Variants in RASGRF2 observed in about 807,000 individuals in gnomAD.
RASGRF2 encodes the protein ras-specific guanine nucleotide-releasing factor 2.
RASGRF2 carries 76 observed loss-of-function variants against 151.0 expected under a neutral mutation model. That is an observed-to-expected ratio of 0.50 (90% CI 0.42 to 0.61). RASGRF2 has a LOEUF of 0.61. Ranked by LOEUF, RASGRF2 falls within the 20% of genes least tolerant of loss-of-function variation. RASGRF2 has a pLI of 0.00. For missense variants in RASGRF2, 1,148 were observed against 1,564.6 expected (o/e 0.73, Z 4.49); for synonymous variants, 504 against 566.5 (o/e 0.89, Z 1.57).
intron 13 of RASGRF2, 79 bp from the exon 14 acceptor site, chr5:81,112,531 T>C: frequency 6.3e-7 from 1 of 1,577,554 alleles, no homozygotes; most frequent in South Asian, 1.2e-5. Context: ...AGTGTGTGAT[T>C]ACAAACGCTG....
intron 17 of RASGRF2, among the ~76,000 whole-genome samples, chr5:81,159,297 G>A (rs1325244978): frequency 6.6e-6 from 1 of 152,202 alleles, no homozygotes; most frequent in African/African-American, 2.4e-5. Flanking sequence ...GGACAAGATG[G>A]TCTCTGTTGC....
chr5:81,196,206 C>T (rs770332532), intron 18 of RASGRF2, among the ~76,000 whole-genome samples: 24 of 152,154 alleles, frequency 1.6e-4, no homozygotes, highest in Non-Finnish European at 3.1e-4. Context: ...CTACAGTGAG[C>T]CCAGATTGTG....
intron 1 of RASGRF2, among the ~76,000 whole-genome samples, chr5:80,982,121 G>A (rs539862380): frequency 1.9e-4 from 29 of 152,284 alleles, no homozygotes; most frequent in Admixed American, 1.4e-3. Context: ...CAACTCTGGT[G>A]GCTCTTAGGA....
chr5:81,095,377 A>G (rs1410305032), intron 12 of RASGRF2, among the ~76,000 whole-genome samples: 1 of 152,364 alleles, frequency 6.6e-6, no homozygotes, highest in African/African-American at 2.4e-5. Context: ...AACAGCCAAC[A>G]TAGGGCTATG....
intron 2 of RASGRF2, among the ~76,000 whole-genome samples, chr5:81,062,562 G>A (rs10045942): frequency 0.2 from 31,001 of 151,562 alleles, 3,403 homozygotes; most frequent in Middle Eastern, 0.37. Flanking sequence ...TCTCTAAATT[G>A]TTCCTCTGTG....
intron 17 of RASGRF2, among the ~76,000 whole-genome samples, chr5:81,128,820 A>G (rs1189291747): frequency 6.6e-6 from 1 of 152,282 alleles, no homozygotes; most frequent in South Asian, 2.1e-4. Context: ...ACGTGCAAGG[A>G]GGATATTATG....
chr5:81,136,405 C>T (rs1013700077), intron 17 of RASGRF2, among the ~76,000 whole-genome samples: 3 of 152,172 alleles, frequency 2.0e-5, no homozygotes, highest in African/African-American at 7.2e-5. Context: ...CATAACTTCA[C>T]TGAACATAGA....
At chr5:81,215,092 A>G (rs28702540) in intron 23 of RASGRF2, among the ~76,000 whole-genome samples, 1,652 of 152,020 alleles carry the variant, frequency 0.011, 26 homozygotes, top group African/African-American at 0.036. Context: ...TAATCCCCAC[A>G]TTTTGGGAGG....
chr5:80,999,805 C>A (rs188721286), intron 1 of RASGRF2, among the ~76,000 whole-genome samples: 15 of 152,184 alleles, frequency 9.9e-5, no homozygotes, highest in African/African-American at 3.6e-4. Flanking sequence ...TTGTTTGAGC[C>A]TGCTGATAAA....
intron 1 of RASGRF2, among the ~76,000 whole-genome samples, chr5:81,009,624 T>G (rs1749391278): frequency 6.6e-6 from 1 of 152,230 alleles, no homozygotes; most frequent in South Asian, 2.1e-4. Context: ...AAAAATTGTA[T>G]ATACCAAGAT....
chr5:81,090,104 C>T (rs1329095661), intron 9 of RASGRF2, among the ~76,000 whole-genome samples: 1 of 152,182 alleles, frequency 6.6e-6, no homozygotes, highest in Non-Finnish European at 1.5e-5. Flanking sequence ...GTATTTTAAT[C>T]ATTCCTAGAC....
At chr5:81,164,491 A>G (rs1561239649) in intron 17 of RASGRF2, among the ~76,000 whole-genome samples, 1 of 152,096 alleles carries the variant, frequency 6.6e-6, no homozygotes, top group African/African-American at 2.4e-5. Context: ...TTAAGAATGA[A>G]TATGGTTCAT....
chr5:81,032,676 C>G (rs1192880549), intron 1 of RASGRF2, among the ~76,000 whole-genome samples: 1 of 152,068 alleles, frequency 6.6e-6, no homozygotes, highest in Non-Finnish European at 1.5e-5. Flanking sequence ...TATGACAAAC[C>G]CACAGCCAAT....
At chr5:81,107,444 A>G (rs1369951272) in intron 12 of RASGRF2, among the ~76,000 whole-genome samples, 1 of 152,206 alleles carries the variant, frequency 6.6e-6, no homozygotes, top group Admixed American at 6.5e-5. Flanking sequence ...AACCCATGAG[A>G]TAATTGTCCT....
chr5:81,087,653 A>C, intron 9 of RASGRF2: 1 of 454,372 alleles, frequency 2.2e-6, no homozygotes, highest in Admixed American at 3.7e-5. Flanking sequence ...TGCAAGACGT[A>C]AACCACATCC....
At chr5:80,996,383 A>C (rs1474782731) in intron 1 of RASGRF2, among the ~76,000 whole-genome samples, 1 of 152,130 alleles carries the variant, frequency 6.6e-6, no homozygotes, top group Non-Finnish European at 1.5e-5. Flanking sequence ...ATTACAAAAT[A>C]GCTCAAATAG....
At chr5:81,211,513 C>T (rs988242725) in intron 22 of RASGRF2, among the ~76,000 whole-genome samples, 2 of 152,218 alleles carry the variant, frequency 1.3e-5, no homozygotes, top group Non-Finnish European at 2.9e-5. Context: ...CCTCTCCTCA[C>T]GCTAAGGATG....
chr5:81,033,883 T>G (rs1750365082), intron 1 of RASGRF2, among the ~76,000 whole-genome samples: 1 of 152,052 alleles, frequency 6.6e-6, no homozygotes, highest in Non-Finnish European at 1.5e-5. Flanking sequence ...GGGAGAAAAT[T>G]TTTACAATCT....
At chr5:81,196,476 C>G (rs1042814427) in intron 18 of RASGRF2, among the ~76,000 whole-genome samples, 5 of 152,214 alleles carry the variant, frequency 3.3e-5, no homozygotes, top group African/African-American at 1.2e-4. Context: ...CAAATAGTGT[C>G]TTGGCAGATT....
Sources: allele counts gnomAD v4.1 joint callset (sites outside exome capture counted in the v4.1 genomes callset), GRCh38; gene constraint gnomAD v4.1.1; transcripts MANE v1.5; gene names NCBI Gene and HGNC (gene_info 2026-07-23, HGNC 2026-07-21).